The following CTH variants were observed in gnomAD, a reference collection of about 807,000 sequenced individuals.
The protein encoded by CTH is cystathionine gamma-lyase.
A neutral mutation model predicts 50.6 loss-of-function variants in CTH; 41 were observed. That is an observed-to-expected ratio of 0.81 (90% CI 0.63 to 1.05). The LOEUF (loss-of-function observed/expected upper bound fraction) is 1.05. CTH is among the 50% of genes least tolerant of loss of function. CTH has a pLI of 0.00. For synonymous variants in CTH, 156 were observed against 168.9 expected (o/e 0.92, Z 0.59); for missense variants, 470 against 492.6 (o/e 0.95, Z 0.43).
chr1:70,419,194 G>C (rs1411926060), intron 3 of CTH, among the ~76,000 whole-genome samples: 1 of 151,936 alleles, frequency 6.6e-6, no homozygotes, highest in Non-Finnish European at 1.5e-5. Flanking sequence ...ATGTGTATAT[G>C]TGCCACATTT....
At position 70,424,343 on chromosome 1, in the gene CTH, G is replaced by C; in HGVS notation, c.515G>C (p.Cys172Ser). The C allele has an allele frequency of 1.2e-6, 2 of 1,614,108 alleles. No homozygotes were observed. Among genetic ancestry groups the C allele is most frequent in the Non-Finnish European group, 1.7e-6 (2 of 1,180,008 alleles). Residue 172 changes from cysteine (C) to serine (S), a missense_variant, in exon 5 of 12, where the codon TGT (cysteine) becomes TCT (serine). Coordinates refer to ENST00000370938, the MANE Select transcript of CTH (RefSeq NM_001902.6). ...PTQKVIDIEG[C>S]AHIVHKHGDI... is the part of the protein sequence containing the mutation. The stretch of plus-strand genomic sequence containing the variant: ...CAGAAGGTGATTGACATTGAAGGCT[G>C]TGCACATATTGTCCATAAGCATGGA...
intron 2 of CTH, among the ~76,000 whole-genome samples, 173 bp from the exon 3 acceptor site, chr1:70,417,764 C>A (rs568084263): frequency 2.1e-4 from 32 of 152,106 alleles, no homozygotes; most frequent in South Asian, 4.1e-4. Context: ...TTAAAGATAT[C>A]TTATTCTTGA....
intron 10 of CTH, 110 bp downstream of exon 10, chr1:70,435,287 T>C (rs546516198): frequency 6.0e-5 from 61 of 1,008,898 alleles, no homozygotes; most frequent in African/African-American, 3.4e-4. Flanking sequence ...ACAATAAGAA[T>C]AGCAGGACAT....
At chr1:70,420,195 T>C (rs1193190083) in intron 3 of CTH, among the ~76,000 whole-genome samples, 1 of 152,114 alleles carries the variant, frequency 6.6e-6, no homozygotes, top group Non-Finnish European at 1.5e-5. Flanking sequence ...TTTCTCCTTG[T>C]TGGTCAGGCT....
intron 9 of CTH, 139 bp from the exon 10 acceptor site, chr1:70,434,986 G>A (rs1199610864): frequency 4.8e-6 from 3 of 622,308 alleles, no homozygotes; most frequent in Admixed American, 2.6e-5. Context: ...TCCTGACCTC[G>A]GTGATCCGCC....
intron 5 of CTH, among the ~76,000 whole-genome samples, chr1:70,425,981 A>T (rs1684338819): frequency 6.6e-6 from 1 of 152,072 alleles, no homozygotes. Flanking sequence ...TCCTAATCAT[A>T]CTAGTGATTA....
rs747909709 is a variant in CTH, at chr1:70,411,452, C to T, written c.37C>T (p.Pro13Ser). 2.5e-6 allele frequency: 4 copies of T among 1,613,998 alleles called. No homozygotes were observed. Among genetic ancestry groups the T allele is most frequent in the African/African-American group, 1.3e-5 (1 of 74,908 alleles). Reference protein sequence around the residue: ...EKDASSQGFLPHFQHFATQAI... With the variant: ...EKDASSQGFLSHFQHFATQAI... ...AGACGCCTCCTCACAAGGTTTCCTG[C>T]CACACTTCCAACATTTCGCCACGCA... Residue 13 changes from proline to serine, a missense_variant, in exon 1 of 12, where the codon CCA (proline) becomes TCA (serine). Physicochemically the swap from Pro to Ser is moderately conservative, Grantham distance 74. Coordinates refer to ENST00000370938, the MANE Select transcript of CTH (RefSeq NM_001902.6).
At chr1:70,434,084 C>G (rs766462507) in intron 9 of CTH, 135 bp downstream of exon 9, 156 of 1,472,680 alleles carry the variant, frequency 1.1e-4, no homozygotes, top group Non-Finnish European at 1.3e-4. Flanking sequence ...TCATGAAATG[C>G]ATTGGGTTGA....
chr1:70,414,922 C>G (rs1352183788), intron 1 of CTH, among the ~76,000 whole-genome samples: 1 of 152,064 alleles, frequency 6.6e-6, no homozygotes, highest in Non-Finnish European at 1.5e-5. Flanking sequence ...TGGGCTCAAG[C>G]AATTCTCCTG....
intron 9 of CTH, 45 bp downstream of exon 9, chr1:70,433,994 A>ACAG: frequency 6.2e-7 from 1 of 1,610,484 alleles, no homozygotes; most frequent in African/African-American, 1.3e-5. Context: ...GTAAGGCCTT[A>ACAG]CAGCAGTTCA....
chr1:70,434,837 C>G, intron 9 of CTH: 1 of 296,212 alleles, frequency 3.4e-6, no homozygotes, highest in South Asian at 3.3e-5. Flanking sequence ...ACTGCAACCT[C>G]CACCTCCTGG....
chr1:70,430,148 C>T (rs1684432264), intron 6 of CTH, among the ~76,000 whole-genome samples, 169 bp from the exon 7 acceptor site: 1 of 152,142 alleles, frequency 6.6e-6, no homozygotes, highest in South Asian at 2.1e-4. Flanking sequence ...TTAGACATAG[C>T]TTTTGCTACT....
chr1:70,429,773 G>T, intron 5 of CTH, 21 bp from the exon 6 acceptor site: 1 of 1,588,670 alleles, frequency 6.3e-7, no homozygotes, highest in Non-Finnish European at 8.6e-7. Flanking sequence ...CTCATTTAAA[G>T]TAAAAAACTT....
At chr1:70,412,421 C>T (rs982416053) in intron 1 of CTH, among the ~76,000 whole-genome samples, 2 of 152,170 alleles carry the variant, frequency 1.3e-5, no homozygotes, top group Non-Finnish European at 2.9e-5. Flanking sequence ...GCCTGGCCAA[C>T]ATGGTGAAAC....
At chr1:70,424,162 CCCAACAT>C in intron 4 of CTH, 116 bp from the exon 5 acceptor site, 3 of 1,559,478 alleles carry the variant, frequency 1.9e-6, no homozygotes, top group Non-Finnish European at 2.6e-6. Context: ...ATTTGAACCT[CCCAACAT>C]CATCATCCAT....
intron 1 of CTH, among the ~76,000 whole-genome samples, chr1:70,413,375 G>T (rs983118518): frequency 5.3e-5 from 8 of 149,914 alleles, no homozygotes; most frequent in Non-Finnish European, 7.4e-5. Context: ...GCGATTCTCC[G>T]GCCTCAGCCT....
chr1:70,438,657 T>A (rs749482337), intron 10 of CTH, 31 bp from the exon 11 acceptor site: 2 of 1,613,444 alleles, frequency 1.2e-6, no homozygotes, highest in East Asian at 2.2e-5. Flanking sequence ...CACAATATAG[T>A]GATCAAAAAT....
rs35873591 is a variant in CTH, at chr1:70,434,971, C to T, written c.1000-154C>T. The T allele has an allele frequency of 1.7e-3, 898 of 521,622 alleles. 4 individuals are homozygous for T. The highest frequency in any genetic ancestry group is 0.016 in the African/African-American group (795 of 50,474). 32.3% of individuals were successfully genotyped at this position (521,622 alleles called of 1,614,324 possible). On this transcript the variant is annotated intron_variant, in intron 9 of 11. Coordinates refer to ENST00000370938, the MANE Select transcript of CTH (RefSeq NM_001902.6). ...TTTCACTAGTTGGCCAGGCTGGTCT[C>T]GAACTCCTGACCTCGGTGATCCGCC... is the stretch of plus-strand genomic sequence containing the variant.
intron 4 of CTH, 88 bp from the exon 5 acceptor site, chr1:70,424,197 T>C: frequency 8.7e-6 from 14 of 1,604,674 alleles, no homozygotes; most frequent in South Asian, 2.2e-5. Flanking sequence ...CATTATACAA[T>C]GTAGCTTCCC....
Sources: gnomAD v4.1 joint callset for allele counts (sites outside exome capture counted in the v4.1 genomes callset) on GRCh38, gnomAD v4.1.1 for gene constraint, MANE v1.5 for transcripts, NCBI Gene and HGNC (gene_info 2026-07-23, HGNC 2026-07-21) for gene names.